The following TRDN variants were observed in gnomAD, a reference collection of about 807,000 sequenced individuals.
The protein encoded by TRDN is triadin in skeletal muscle.
A neutral mutation model predicts 149.7 loss-of-function variants in TRDN; 161 were observed. The ratio of observed to expected loss-of-function variants is 1.08; its 90% CI spans 0.95 to 1.23. TRDN has a LOEUF of 1.23. Ranked by LOEUF, TRDN falls within the 50% of genes most tolerant of loss-of-function variation. TRDN has a pLI of 0.00. For missense variants in TRDN, 896 were observed against 823.5 expected (o/e 1.09, Z -1.08); for synonymous variants, 294 against 250.5 (o/e 1.17, Z -1.64).
chr6:123,427,141 A>G (rs750860483), intron 12 of TRDN, among the ~76,000 whole-genome samples: 5 of 152,016 alleles, frequency 3.3e-5, no homozygotes, highest in Non-Finnish European at 5.9e-5. Context: ...AGATATCAAT[A>G]AAACATTCTA....
intron 40 of TRDN, among the ~76,000 whole-genome samples, chr6:123,218,967 T>G (rs1775043261): frequency 6.6e-6 from 1 of 151,936 alleles, no homozygotes; most frequent in Non-Finnish European, 1.5e-5. Context: ...ATGAGTTACA[T>G]GTGCTCTTAA....
chr6:123,224,405 C>A (rs1467764202), intron 38 of TRDN, among the ~76,000 whole-genome samples: 2 of 151,646 alleles, frequency 1.3e-5, no homozygotes, highest in African/African-American at 2.4e-5. Context: ...ACACCCACCC[C>A]CAGGTTTCCC....
At chr6:123,629,519 C>A (rs1332727943) in intron 1 of TRDN, among the ~76,000 whole-genome samples, 1 of 152,128 alleles carries the variant, frequency 6.6e-6, no homozygotes, top group Non-Finnish European at 1.5e-5. Flanking sequence ...ACAGGTTGCT[C>A]CATTTAAATT....
At chr6:123,250,375 C>T (rs1776331735) in intron 38 of TRDN, among the ~76,000 whole-genome samples, 1 of 151,920 alleles carries the variant, frequency 6.6e-6, no homozygotes, top group African/African-American at 2.4e-5. Context: ...AAAGTCTGAG[C>T]CCCAAAACCC....
chr6:123,316,545 A>G (rs1779032251), intron 23 of TRDN, 50 bp from the exon 24 acceptor site: 3 of 1,554,514 alleles, frequency 1.9e-6, no homozygotes, highest in Non-Finnish European at 2.6e-6. Context: ...GGAAAAAAAT[A>G]ACATTTGAAA....
chr6:123,526,000 T>G (rs891048589), intron 5 of TRDN, among the ~76,000 whole-genome samples: 1 of 151,994 alleles, frequency 6.6e-6, no homozygotes, highest in South Asian at 2.1e-4. Flanking sequence ...GATGGTGAGA[T>G]TATCTTGGAT....
chr6:123,565,515 G>A (rs1356130354), intron 2 of TRDN, among the ~76,000 whole-genome samples: 1 of 152,166 alleles, frequency 6.6e-6, no homozygotes. Context: ...TTTGCACACT[G>A]TCAAAGCACT....
intron 7 of TRDN, among the ~76,000 whole-genome samples, chr6:123,510,575 T>G (rs1401138277): frequency 6.6e-6 from 1 of 152,076 alleles, no homozygotes; most frequent in East Asian, 1.9e-4. Context: ...ATTTGGCATA[T>G]TATTATGGTA....
intron 39 of TRDN, among the ~76,000 whole-genome samples, chr6:123,223,034 G>A (rs1000472685): frequency 6.6e-6 from 1 of 151,784 alleles, no homozygotes; most frequent in Non-Finnish European, 1.5e-5. Flanking sequence ...GAGAACACTT[G>A]TAGACTGTTG....
intron 1 of TRDN, among the ~76,000 whole-genome samples, chr6:123,634,560 A>G (rs1786191366): frequency 6.6e-6 from 1 of 152,038 alleles, no homozygotes; most frequent in African/African-American, 2.4e-5. Context: ...TATACCTTTT[A>G]TAAAAGACTG....
chr6:123,483,340 G>C (rs1157714391), intron 9 of TRDN, among the ~76,000 whole-genome samples: 1 of 151,734 alleles, frequency 6.6e-6, no homozygotes, highest in Non-Finnish European at 1.5e-5. Flanking sequence ...CTGACCTTGT[G>C]ATCCACCCGC....
chr6:123,626,786 AT>A (rs1175484394), intron 1 of TRDN, among the ~76,000 whole-genome samples: 13 of 152,090 alleles, frequency 8.5e-5, no homozygotes, highest in African/African-American at 3.1e-4. Flanking sequence ...TAAAAATTAT[AT>A]TTTTTAATGG....
chr6:123,458,833 A>T (rs1776279077), intron 10 of TRDN, among the ~76,000 whole-genome samples: 1 of 151,882 alleles, frequency 6.6e-6, no homozygotes, highest in South Asian at 2.1e-4. Flanking sequence ...ATTGATGAGT[A>T]TTATCAGAAA....
At chr6:123,236,127 T>C (rs973393746) in intron 38 of TRDN, among the ~76,000 whole-genome samples, 2 of 152,188 alleles carry the variant, frequency 1.3e-5, no homozygotes, top group Non-Finnish European at 2.9e-5. Context: ...CCGACAGCAA[T>C]GTATGAAAGT....
Position 123,324,381 on chromosome 6 carries a change from G to A in TRDN, c.1471+7498C>T, listed in dbSNP as rs369277751. On this transcript the variant is annotated intron_variant, in intron 23 of 40. Transcript: ENST00000334268. Reference sequence around the variant, plus strand: ...TATAATTCCAGGTACTCAGGAGGCTGAGGCAGGAGGAGCTCTTGAGCCCAG... The same window carrying A: ...TATAATTCCAGGTACTCAGGAGGCTAAGGCAGGAGGAGCTCTTGAGCCCAG... 1.3e-4 allele frequency among the ~76,000 whole-genome samples: 20 copies of A among 152,242 alleles called. 1 individual carries two copies. In the East Asian group the frequency reaches 2.7e-3, roughly 21 times the overall value.
chr6:123,553,187 A>C (rs1371601833), intron 2 of TRDN, among the ~76,000 whole-genome samples: 1 of 152,084 alleles, frequency 6.6e-6, no homozygotes, highest in Non-Finnish European at 1.5e-5. Context: ...CCCTCCCCTC[A>C]ACAGGAGGCC....
intron 7 of TRDN, among the ~76,000 whole-genome samples, chr6:123,506,901 A>G (rs866229518): frequency 2.6e-5 from 4 of 152,124 alleles, no homozygotes; most frequent in Non-Finnish European, 5.9e-5. Flanking sequence ...TGAAATATAG[A>G]TAGTTTGATC....
At chr6:123,407,008 G>C (rs948936101) in intron 12 of TRDN, among the ~76,000 whole-genome samples, 1 of 152,016 alleles carries the variant, frequency 6.6e-6, no homozygotes, top group Non-Finnish European at 1.5e-5. Flanking sequence ...CAGGGTGCTT[G>C]CTGAGAGGGC....
At chr6:123,350,345 C>G (rs1228076700) in intron 21 of TRDN, 1 of 948,074 alleles carries the variant, frequency 1.1e-6, no homozygotes, top group Non-Finnish European at 1.3e-6. Flanking sequence ...ATACTCAGAT[C>G]ACAAAGTGTA....
Sources: allele counts gnomAD v4.1 joint callset (sites outside exome capture counted in the v4.1 genomes callset), GRCh38; gene constraint gnomAD v4.1.1; transcripts MANE v1.5; gene names NCBI Gene and HGNC (gene_info 2026-07-23, HGNC 2026-07-21).